TSPAN18: variants seen among roughly 807,000 people sequenced by gnomAD.
TSPAN18 encodes the protein tetraspanin 18.
A neutral mutation model predicts 27.3 loss-of-function variants in TSPAN18; 14 were observed. That is an observed-to-expected ratio of 0.51 (90% confidence interval 0.34 to 0.80). TSPAN18 has a LOEUF of 0.80. TSPAN18 is among the 30% of genes least tolerant of loss of function. The pLI is 0.01. For synonymous variants in TSPAN18, 143 were observed against 136.5 expected, an observed-to-expected ratio of 1.05 and a Z score of -0.33; for missense variants, 268 against 323.9, an observed-to-expected ratio of 0.83 and a Z score of 1.32.
chr11:44,861,294 G>A (rs1857875483), intron 3 of TSPAN18, among the ~76,000 whole-genome samples: 1 of 151,610 alleles, frequency 6.6e-6, no homozygotes, highest in Non-Finnish European at 1.5e-5. Flanking sequence ...ATGGTCTTGG[G>A]TCACATGACA....
At chr11:44,772,605 G>T (rs1855712792) in intron 2 of TSPAN18, among the ~76,000 whole-genome samples, 2 of 152,164 alleles carry the variant, frequency 1.3e-5, no homozygotes, top group African/African-American at 2.4e-5. Flanking sequence ...GTTTATTCAT[G>T]ATAGGTAATA....
At chr11:44,876,567 T>C (rs2135248670) in intron 3 of TSPAN18, among the ~76,000 whole-genome samples, 1 of 152,302 alleles carries the variant, frequency 6.6e-6, no homozygotes, top group African/African-American at 2.4e-5. Context: ...TTTTCCAGGC[T>C]GACCAAGGAA....
At chr11:44,802,710 G>T (rs1052363704) in intron 2 of TSPAN18, among the ~76,000 whole-genome samples, 2 of 151,980 alleles carry the variant, frequency 1.3e-5, no homozygotes, top group African/African-American at 2.4e-5. Flanking sequence ...CTGTGGGTGG[G>T]GACTCCAGGG....
intron 3 of TSPAN18, among the ~76,000 whole-genome samples, chr11:44,904,904 C>T (rs575590938): frequency 1.8e-4 from 28 of 152,206 alleles, no homozygotes; most frequent in African/African-American, 6.3e-4. Context: ...TGGACAAATC[C>T]CTTAACCCTT....
In TSPAN18 at chr11:44,930,420, C is replaced by T. The variant is rs1042331258; in HGVS notation, c.*1242C>T. 5.7e-6 allele frequency: 1 copy of T among 175,482 alleles called. No homozygotes were observed. The highest frequency in any genetic ancestry group is 1.2e-5 in the Non-Finnish European group (1 of 82,750). The allele number at this position is 175,482 out of a possible 1,614,324, so 10.9% of individuals were successfully genotyped here. ...GTCCATGGCATCCCACTTGCCCACTCTCCTTCCTGGAGTGTTGAGGTCACA... is the reference window on the plus strand; with the variant it reads ...GTCCATGGCATCCCACTTGCCCACTTTCCTTCCTGGAGTGTTGAGGTCACA... On this transcript the variant is annotated 3_prime_UTR_variant, in exon 10 of 10. Coordinates refer to ENST00000520358, the MANE Select transcript of TSPAN18 (RefSeq NM_130783.5).
chr11:44,825,276 T>C lies in TSPAN18; in HGVS notation c.-152-35052T>C, dbSNP rs1402474877. On this transcript the variant is annotated intron_variant, in intron 2 of 9. Coordinates refer to ENST00000520358, the MANE Select transcript of TSPAN18 (RefSeq NM_130783.5). ...CCAGCACCTTCCATGTGTCAGAAAC[T>C]GTGTGAGAGCTTTTGCAGATCACCT... is the stretch of plus-strand genomic sequence containing the variant. Among the ~76,000 whole-genome samples the C allele has an allele frequency of 3.3e-5, 5 of 152,236 alleles. No individual in the cohort carries two copies. In the South Asian group the frequency reaches 8.3e-4, roughly 25 times the overall value.
chr11:44,814,467 T>A (rs1856780858), intron 2 of TSPAN18, among the ~76,000 whole-genome samples: 1 of 152,120 alleles, frequency 6.6e-6, no homozygotes, highest in Admixed American at 6.5e-5. Flanking sequence ...AGCCACATGG[T>A]TTGAAAAGCA....
At chr11:44,849,343 C>T (rs1474179450) in intron 2 of TSPAN18, among the ~76,000 whole-genome samples, 1 of 152,148 alleles carries the variant, frequency 6.6e-6, no homozygotes, top group East Asian at 1.9e-4. Context: ...GGAGGATTCT[C>T]AGGAGAGCTC....
chr11:44,849,130 G>A (rs1240383569), intron 2 of TSPAN18, among the ~76,000 whole-genome samples: 6 of 152,218 alleles, frequency 3.9e-5, no homozygotes, highest in South Asian at 2.1e-4. Flanking sequence ...TAGAGGCTAC[G>A]GGTGGCAGCA....
chr11:44,892,711 A>G (rs574629239), intron 3 of TSPAN18, among the ~76,000 whole-genome samples: 1 of 152,214 alleles, frequency 6.6e-6, no homozygotes, highest in South Asian at 2.1e-4. Context: ...TTTGAGGGTG[A>G]CCCTGGGGAT....
At chr11:44,735,226 A>G (rs1256374698) in intron 1 of TSPAN18, among the ~76,000 whole-genome samples, 1 of 152,148 alleles carries the variant, frequency 6.6e-6, no homozygotes, top group East Asian at 1.9e-4. Flanking sequence ...CAGACACCTC[A>G]CTCACTCCTG....
intron 2 of TSPAN18, among the ~76,000 whole-genome samples, chr11:44,811,171 CACA>C (rs1565160299): frequency 8.4e-5 from 12 of 143,070 alleles, no homozygotes; most frequent in South Asian, 2.3e-4. Flanking sequence ...CACACACACA[CACA>C]CCCCTGCCTG....
At chr11:44,743,649 A>C (rs1350692358) in intron 1 of TSPAN18, among the ~76,000 whole-genome samples, 1 of 152,204 alleles carries the variant, frequency 6.6e-6, no homozygotes, top group Non-Finnish European at 1.5e-5. Flanking sequence ...GCCCTTGGGC[A>C]TTTCCCGCCA....
chr11:44,884,118 C>A (rs1382629229), intron 3 of TSPAN18, among the ~76,000 whole-genome samples: 2 of 152,130 alleles, frequency 1.3e-5, no homozygotes, highest in Non-Finnish European at 2.9e-5. Context: ...GCCCACACTG[C>A]CTCCAGCCTC....
intron 2 of TSPAN18, among the ~76,000 whole-genome samples, chr11:44,801,865 C>G (rs1046111907): frequency 5.3e-5 from 8 of 152,000 alleles, no homozygotes; most frequent in African/African-American, 1.9e-4. Context: ...GACCCTGTCT[C>G]TACAAAAATA....
intron 3 of TSPAN18, among the ~76,000 whole-genome samples, chr11:44,904,952 GAGTACATA>G: frequency 6.6e-6 from 1 of 152,272 alleles, no homozygotes; most frequent in Admixed American, 6.5e-5. Context: ...GTGGTCATCA[GAGTACATA>G]CCTCCTTGGT....
At position 44,867,419 on chromosome 11, in the gene TSPAN18, G is replaced by A. The variant is rs12277641; in HGVS notation, c.-11+6950G>A. Among the ~76,000 whole-genome samples, 88 of 46,422 alleles carry A rather than the reference G, an allele frequency of 1.9e-3. 1 individual carries two copies. The highest frequency in any genetic ancestry group is 6.3e-3 in the African/African-American group (86 of 13,646). The allele number at this position is 46,422 out of a possible 152,430, so 30.5% of individuals were successfully genotyped here. On this transcript the variant is annotated intron_variant, in intron 3 of 9. Coordinates refer to ENST00000520358, the MANE Select transcript of TSPAN18 (RefSeq NM_130783.5). ...TTTTTTTTTTTTTTTTTTTTTTTCA[G>A]ACAGAGTCTCGCTCTGTCACCCAGG...
chr11:44,808,140 A>G (rs1356199655), intron 2 of TSPAN18, among the ~76,000 whole-genome samples: 1 of 152,204 alleles, frequency 6.6e-6, no homozygotes, highest in Non-Finnish European at 1.5e-5. Flanking sequence ...GGAGCTTCAC[A>G]TGAATATTCA....
At chr11:44,765,395 C>G (rs1361447477) in intron 2 of TSPAN18, among the ~76,000 whole-genome samples, 4 of 152,192 alleles carry the variant, frequency 2.6e-5, no homozygotes. Context: ...AGGACGATGG[C>G]TCCGACCCTT....
Sources: allele counts gnomAD v4.1 joint callset (sites outside exome capture counted in the v4.1 genomes callset), GRCh38; gene constraint gnomAD v4.1.1; transcripts MANE v1.5; gene names NCBI Gene and HGNC (gene_info 2026-07-23, HGNC 2026-07-21).